METTL2A: variants seen among roughly 807,000 people sequenced by gnomAD.
METTL2A encodes methyltransferase 2A, tRNA N3-cytidine.
A neutral mutation model predicts 49.4 loss-of-function variants in METTL2A; 45 were observed. That is an observed-to-expected ratio of 0.91 (90% CI 0.72 to 1.17). The LOEUF (loss-of-function observed/expected upper bound fraction) is 1.17. Ranked by LOEUF, METTL2A falls within the 50% of genes most tolerant of loss-of-function variation. The pLI is 0.00. For missense variants in METTL2A, 361 were observed against 462.2 expected, an observed-to-expected ratio of 0.78 and a Z score of 2.01; for synonymous variants, 118 against 167.5, an observed-to-expected ratio of 0.70 and a Z score of 2.28.
At chr17:62,424,034 C>G in intron 1 of METTL2A, 22 bp downstream of exon 1, 1 of 1,611,030 alleles carries the variant, frequency 6.2e-7, no homozygotes, top group Non-Finnish European at 8.5e-7. Context: ...GCCCCTTCGC[C>G]CGGCCTGTCG....
chr17:62,445,287 G>C (rs1488618023), intron 7 of METTL2A, among the ~76,000 whole-genome samples: 2 of 146,944 alleles, frequency 1.4e-5, no homozygotes, highest in Admixed American at 6.8e-5. Context: ...AGAACTTAAA[G>C]TATAATTAAA....
chr17:62,445,408 T>A (rs2070762205), intron 7 of METTL2A, among the ~76,000 whole-genome samples: 1 of 152,048 alleles, frequency 6.6e-6, no homozygotes, highest in Admixed American at 6.6e-5. Context: ...GACAGAGTAG[T>A]ATATTTTTTA....
chr17:62,445,399 A>G (rs949124761), intron 7 of METTL2A, among the ~76,000 whole-genome samples: 1 of 152,138 alleles, frequency 6.6e-6, no homozygotes, highest in Non-Finnish European at 1.5e-5. Flanking sequence ...TTAATATGTG[A>G]CAGAGTAGTA....
At position 62,451,439 on chromosome 17, in the gene METTL2A, C is replaced by T. The variant is rs186502339; in HGVS notation, c.*2710C>T. On this transcript the variant is annotated 3_prime_UTR_variant, in exon 9 of 9. Coordinates refer to ENST00000311506, the MANE Select transcript of METTL2A (RefSeq NM_181725.4). ...CTGGGATTACAGGCGTGAGCCACCACGCCCGGCCAAGACCCTGACTTTTTA... is the reference window on the plus strand; with the variant it reads ...CTGGGATTACAGGCGTGAGCCACCATGCCCGGCCAAGACCCTGACTTTTTA... Among the ~76,000 whole-genome samples, 1,803 of 150,034 alleles carry T rather than the reference C, an allele frequency of 0.012. 36 individuals are homozygous for T. The highest frequency in any genetic ancestry group is 0.041 in the African/African-American group (1,695 of 41,078).
chr17:62,445,464 A>G (rs1360247782), intron 7 of METTL2A, among the ~76,000 whole-genome samples: 2 of 152,100 alleles, frequency 1.3e-5, no homozygotes, highest in Non-Finnish European at 2.9e-5. Context: ...AGGTCTTTTT[A>G]AGCAAGACAG....
intron 4 of METTL2A, among the ~76,000 whole-genome samples, chr17:62,431,512 C>T (rs1460698110): frequency 6.6e-6 from 1 of 152,086 alleles, no homozygotes; most frequent in African/African-American, 2.4e-5. Context: ...TGCCACCACC[C>T]CTGCTAATTT....
intron 7 of METTL2A, 58 bp from the exon 8 acceptor site, chr17:62,447,643 A>C: frequency 6.3e-7 from 1 of 1,593,566 alleles, no homozygotes; most frequent in South Asian, 1.1e-5. Context: ...ATTCCTTAGC[A>C]ATGCGAGTCA....
Position 62,427,832 on chromosome 17 carries a change from G to A in METTL2A, c.603G>A (p.Thr201=), listed in dbSNP as rs1405216228. ...ACACAGTCTTTCCAATTTTACAAAC[G>A]AACAAGTAAGTATGTTGTAAAAGTT... ...VGNTVFPILQ[T]NNDPGLFVYC... The change falls in exon 4 of 9, where the codon ACG becomes ACA. Residue 201 remains threonine, a synonymous_variant. Coordinates refer to ENST00000311506, the MANE Select transcript of METTL2A (RefSeq NM_181725.4). 1.2e-6 allele frequency: 2 copies of A among 1,606,662 alleles called. No individual in the cohort carries two copies. The highest frequency in any genetic ancestry group is 1.7e-5 in the Admixed American group (1 of 57,886).
chr17:62,425,466 A>C (rs2070617842), intron 2 of METTL2A, among the ~76,000 whole-genome samples: 1 of 142,386 alleles, frequency 7.0e-6, no homozygotes, highest in Non-Finnish European at 1.5e-5. Flanking sequence ...AGCTCGCTGC[A>C]ATCTCCTCCT....
chr17:62,446,742 A>G lies in METTL2A; in HGVS notation c.917-959A>G, dbSNP rs137882457. On this transcript the variant is annotated intron_variant, in intron 7 of 8. Coordinates refer to ENST00000311506, the MANE Select transcript of METTL2A (RefSeq NM_181725.4). The stretch of plus-strand genomic sequence containing the variant: ...AAAGTGAATGCCTCTGGATAGGGAG[A>G]TGTTGTGCTTGTCACCTGAGGTGGA... 1.9e-3 allele frequency among the ~76,000 whole-genome samples: 289 copies of G among 152,246 alleles called. 1 individual carries two copies. Among genetic ancestry groups the G allele is most frequent in the African/African-American group, 6.6e-3 (274 of 41,552 alleles).
chr17:62,436,275 A>G (rs565408509), intron 5 of METTL2A, among the ~76,000 whole-genome samples: 2 of 152,036 alleles, frequency 1.3e-5, no homozygotes, highest in Admixed American at 1.3e-4. Flanking sequence ...GTCGGCCACA[A>G]TGGCTTAATG....
At chr17:62,445,755 C>T (rs1443833125) in intron 7 of METTL2A, among the ~76,000 whole-genome samples, 5 of 151,404 alleles carry the variant, frequency 3.3e-5, no homozygotes, top group Non-Finnish European at 7.4e-5. Flanking sequence ...CAAGATCACA[C>T]CATTGCACTC....
chr17:62,447,632 C>T, intron 7 of METTL2A, 69 bp from the exon 8 acceptor site: 2 of 1,574,924 alleles, frequency 1.3e-6, no homozygotes, highest in Non-Finnish European at 1.7e-6. Context: ...TCCCAGTTAA[C>T]ATTCCTTAGC....
In METTL2A at chr17:62,452,652, C is replaced by A. The variant is rs1432634272; in HGVS notation, c.*3923C>A. On this transcript the variant is annotated 3_prime_UTR_variant, in exon 9 of 9. Transcript: ENST00000311506. The stretch of plus-strand genomic sequence containing the variant: ...TTTGTTGTTGTTTTTGAGACAGGCT[C>A]ACCCAGGCTGGAATGCAGCAGCACG... Among the ~76,000 whole-genome samples, 1 of 152,138 alleles carries A rather than the reference C, an allele frequency of 6.6e-6. No homozygotes were observed. The highest frequency in any genetic ancestry group is 2.4e-5 in the African/African-American group (1 of 41,438).
intron 6 of METTL2A, among the ~76,000 whole-genome samples, chr17:62,443,584 TTTTG>T (rs887038449): frequency 5.3e-5 from 8 of 151,978 alleles, no homozygotes; most frequent in African/African-American, 1.4e-4. Flanking sequence ...CCCAGCTGTT[TTTTG>T]TTTGTTTGTT....
At chr17:62,432,918 A>C in intron 4 of METTL2A, among the ~76,000 whole-genome samples, 1 of 151,856 alleles carries the variant, frequency 6.6e-6, no homozygotes, top group Middle Eastern at 3.2e-3. Flanking sequence ...ACACCACTGT[A>C]CTCCAGGTGA....
Position 62,447,280 on chromosome 17 carries a change from C to T in METTL2A, c.917-421C>T, listed in dbSNP as rs1432565420. Among the ~76,000 whole-genome samples, 4 of 152,040 alleles carry T rather than the reference C, an allele frequency of 2.6e-5. No homozygotes were observed. In the South Asian group the frequency reaches 6.2e-4, roughly 24 times the overall value. ...CTAAAAATACAAAAAATTAGCTGGG[C>T]ATGGTGGTGGGAACCTGTAATCCCA... On this transcript the variant is annotated intron_variant, in intron 7 of 8. Coordinates refer to ENST00000311506, the MANE Select transcript of METTL2A (RefSeq NM_181725.4).
At chr17:62,447,041 A>G (rs1370705965) in intron 7 of METTL2A, among the ~76,000 whole-genome samples, 1 of 152,214 alleles carries the variant, frequency 6.6e-6, no homozygotes, top group Admixed American at 6.5e-5. Context: ...AGACATGTGA[A>G]GAGACATGCA....
At chr17:62,427,142 A>G (rs991560401) in intron 3 of METTL2A, among the ~76,000 whole-genome samples, 6 of 152,208 alleles carry the variant, frequency 3.9e-5, no homozygotes, top group African/African-American at 1.2e-4. Flanking sequence ...AAATGTCTAG[A>G]TTGGTATAAT....
Sources: gnomAD v4.1 joint callset for allele counts (sites outside exome capture counted in the v4.1 genomes callset) on GRCh38, gnomAD v4.1.1 for gene constraint, MANE v1.5 for transcripts, NCBI Gene and HGNC (gene_info 2026-07-23, HGNC 2026-07-21) for gene names.